The following RREB1 variants were observed in gnomAD, a reference collection of about 807,000 sequenced individuals.
The protein encoded by RREB1 is ras responsive element binding protein 1.
RREB1 carries 27 observed loss-of-function variants against 117.8 expected under a neutral mutation model. The ratio of observed to expected loss-of-function variants is 0.23; its 90% CI spans 0.17 to 0.32. The LOEUF (loss-of-function observed/expected upper bound fraction) is 0.32, where lower values mean the gene tolerates loss of function less well. RREB1 is among the 10% of genes least tolerant of loss of function. The pLI, the probability that RREB1 is intolerant of heterozygous loss-of-function variation, is 1.00. For synonymous variants in RREB1, 1,298 were observed against 1,026.7 expected (o/e 1.26, Z -5.05); for missense variants, 2,577 against 2,378.2 (o/e 1.08, Z -1.74).
At chr6:7,238,966 G>T (rs535743840) in intron 10 of RREB1, among the ~76,000 whole-genome samples, 4 of 152,342 alleles carry the variant, frequency 2.6e-5, no homozygotes, top group African/African-American at 9.6e-5. Flanking sequence ...TTCAGGCTCT[G>T]TATGAATGGC....
intron 8 of RREB1, among the ~76,000 whole-genome samples, chr6:7,225,739 G>A (rs879513712): frequency 6.6e-6 from 1 of 152,142 alleles, no homozygotes; most frequent in African/African-American, 2.4e-5. Context: ...CTGACATTTT[G>A]TGTGTGCTTC....
At chr6:7,172,068 C>T (rs1764240368) in intron 1 of RREB1, among the ~76,000 whole-genome samples, 1 of 151,988 alleles carries the variant, frequency 6.6e-6, no homozygotes, top group South Asian at 2.1e-4. Flanking sequence ...GCCTCAGCCT[C>T]CCAAGTAGCT....
At chr6:7,172,281 T>C (rs924286297) in intron 1 of RREB1, among the ~76,000 whole-genome samples, 1 of 151,304 alleles carries the variant, frequency 6.6e-6, no homozygotes. Flanking sequence ...ATAGGAGTGT[T>C]CTGGAGCTCA....
At chr6:7,215,152 C>CA (rs1766830363) in intron 8 of RREB1, 2 of 152,390 alleles carry the variant, frequency 1.3e-5, no homozygotes, top group African/African-American at 4.8e-5. Context: ...AGAGAGCAGG[C>CA]GGCTACACAG....
chr6:7,109,809 C>T (rs541626126), intron 1 of RREB1, among the ~76,000 whole-genome samples: 83 of 152,224 alleles, frequency 5.5e-4, no homozygotes, highest in Admixed American at 1.5e-3. Flanking sequence ...GAGGGGTTTT[C>T]TTCGTTTGAG....
intron 1 of RREB1, among the ~76,000 whole-genome samples, chr6:7,171,594 C>T (rs1355943917): frequency 1.3e-5 from 2 of 152,220 alleles, no homozygotes; most frequent in Non-Finnish European, 2.9e-5. Flanking sequence ...GTCTTTATGG[C>T]TGTACACTGG....
intron 1 of RREB1, among the ~76,000 whole-genome samples, chr6:7,126,705 A>G (rs1761948669): frequency 6.6e-6 from 1 of 152,228 alleles, no homozygotes; most frequent in East Asian, 1.9e-4. Context: ...TCAGCAAAAT[A>G]ATACTGAGAA....
chr6:7,112,855 G>A (rs1023280744), intron 1 of RREB1, among the ~76,000 whole-genome samples: 3 of 152,198 alleles, frequency 2.0e-5, no homozygotes, highest in Admixed American at 6.5e-5. Context: ...GGTGTTCAGC[G>A]TGGTCTGAAC....
intron 1 of RREB1, among the ~76,000 whole-genome samples, chr6:7,161,679 CCT>C (rs1763671237): frequency 6.6e-6 from 1 of 152,146 alleles, no homozygotes; most frequent in Admixed American, 6.5e-5. Flanking sequence ...AAACAAAACT[CCT>C]CTAAATCCTA....
At chr6:7,139,815 G>A (rs1243008567) in intron 1 of RREB1, among the ~76,000 whole-genome samples, 2 of 152,128 alleles carry the variant, frequency 1.3e-5, no homozygotes, top group African/African-American at 4.8e-5. Flanking sequence ...TATTTTATCA[G>A]TCAGAACTTT....
chr6:7,208,602 G>A (rs1581539647), intron 6 of RREB1, among the ~76,000 whole-genome samples: 1 of 152,242 alleles, frequency 6.6e-6, no homozygotes, highest in Non-Finnish European at 1.5e-5. Context: ...GCCGCTGTCT[G>A]TCAGACTGCC....
intron 1 of RREB1, among the ~76,000 whole-genome samples, chr6:7,112,119 A>G (rs1761175908): frequency 6.6e-6 from 1 of 152,174 alleles, no homozygotes; most frequent in South Asian, 2.1e-4. Flanking sequence ...CGCCCAGTTC[A>G]TAGCTATCTT....
At chr6:7,248,254 G>A (rs549764490) in intron 12 of RREB1, among the ~76,000 whole-genome samples, 2 of 152,218 alleles carry the variant, frequency 1.3e-5, no homozygotes, top group African/African-American at 4.8e-5. Context: ...CTGGGACCTG[G>A]GTTTTCTGGA....
rs770323608 is a variant in RREB1, at chr6:7,230,512, T to G, written c.2413T>G (p.Cys805Gly). ...CGCCGCGTTCGCGGCCAAGCGCAAC[T>G]GCATCCACCACATCCTCAAGCAGCA... ...CSAAFAAKRN[C>G]IHHILKQHLH... The change falls in exon 10 of 13, where the codon TGC (cysteine) becomes GGC (glycine). Residue 805 changes from cysteine (C) to glycine (G), a missense_variant. Coordinates refer to ENST00000379938, the MANE Select transcript of RREB1 (RefSeq NM_001003699.4). 1.9e-6 allele frequency: 3 copies of G among 1,594,456 alleles called. No homozygotes were observed. The highest frequency in any genetic ancestry group is 2.6e-6 in the Non-Finnish European group (3 of 1,176,408).
chr6:7,185,620 T>C (rs1287621547), intron 4 of RREB1, among the ~76,000 whole-genome samples: 1 of 152,098 alleles, frequency 6.6e-6, no homozygotes, highest in East Asian at 1.9e-4. Flanking sequence ...TGTTTGTCTT[T>C]GAAGAGGAGT....
At chr6:7,177,626 C>T (rs1581495705) in intron 2 of RREB1, among the ~76,000 whole-genome samples, 3 of 152,284 alleles carry the variant, frequency 2.0e-5, no homozygotes, top group Admixed American at 2.0e-4. Flanking sequence ...CTTTGAACTC[C>T]TGGGCTCCTG....
intron 6 of RREB1, among the ~76,000 whole-genome samples, chr6:7,195,652 G>A (rs1477053078): frequency 6.6e-6 from 1 of 152,148 alleles, no homozygotes; most frequent in Non-Finnish European, 1.5e-5. Flanking sequence ...TTTCCCTTCC[G>A]CTACCACTGC....
chr6:7,245,984 G>A lies in RREB1; in HGVS notation c.3974-440G>A, dbSNP rs112803510. On this transcript the variant is annotated intron_variant, in intron 11 of 12. Transcript: ENST00000379938. The stretch of plus-strand genomic sequence containing the variant: ...CTTTGGAGGATTAGGGGTAGGGGTG[G>A]TCCTGTGTATGTTGCATGTTTGTAT... Among the ~76,000 whole-genome samples, 599 of 152,328 alleles carry A rather than the reference G, an allele frequency of 3.9e-3. 3 individuals are homozygous for A. The highest frequency in any genetic ancestry group is 0.017 in the Middle Eastern group (5 of 294).
At chr6:7,160,725 T>C (rs1300020434) in intron 1 of RREB1, among the ~76,000 whole-genome samples, 1 of 151,864 alleles carries the variant, frequency 6.6e-6, no homozygotes, top group Non-Finnish European at 1.5e-5. Context: ...TCTCATTCTG[T>C]CACCAGGCTG....
Sources: gnomAD v4.1 joint callset for allele counts (sites outside exome capture counted in the v4.1 genomes callset) on GRCh38, gnomAD v4.1.1 for gene constraint, MANE v1.5 for transcripts, NCBI Gene and HGNC (gene_info 2026-07-23, HGNC 2026-07-21) for gene names.